The following SCNN1D variants were observed in gnomAD, a reference collection of about 807,000 sequenced individuals.
SCNN1D encodes sodium channel epithelial 1 subunit delta, also known as epithelial sodium channel subunit delta.
Under a neutral mutation model 87.8 loss-of-function variants are expected in SCNN1D, and 104 were observed. That is an observed-to-expected ratio of 1.18 (90% CI 1.01 to 1.39). SCNN1D has a LOEUF of 1.39. SCNN1D is among the 40% of genes most tolerant of loss of function. The pLI, the probability that SCNN1D is intolerant of heterozygous loss-of-function variation, is 0.00. For synonymous variants in SCNN1D, 628 were observed against 481.2 expected (o/e 1.31, Z -3.99); for missense variants, 1,324 against 1,093.9 (o/e 1.21, Z -2.97).
chr1:1,282,087 C>T (rs576233181), intron 3 of SCNN1D, 155 bp from the exon 4 acceptor site: 11 of 625,470 alleles, frequency 1.8e-5, no homozygotes, highest in South Asian at 7.6e-5. Flanking sequence ...GGGGCCCTGC[C>T]GCTGACCTGT....
intron 15 of SCNN1D, 73 bp from the exon 16 acceptor site, chr1:1,290,822 A>ACAT: frequency 1.9e-6 from 3 of 1,584,030 alleles, no homozygotes; most frequent in Non-Finnish European, 2.6e-6. Flanking sequence ...CTCTGCCCCC[A>ACAT]CATCCGCCCG....
Position 1,285,657 on chromosome 1 carries a change from A to G in SCNN1D, c.551A>G (p.Gln184Arg), listed in dbSNP as rs2100322594. ...ACTCAGCACAACGCTGCCTGCAAAC[A>G]GGGCCAGGTAGGGCCTGAGCACCCT... ...RPTQHNAACK[Q>R]GQAAAQTPPR... Residue 184 changes from glutamine (Q) to arginine (R), a missense_variant, in exon 6 of 18, where the codon CAG becomes CGG. Gln to Arg is a conservative substitution (Grantham distance 43). Coordinates refer to ENST00000379116, the MANE Select transcript of SCNN1D (RefSeq NM_001130413.4). 3.3e-6 allele frequency: 5 copies of G among 1,537,712 alleles called. No individual in the cohort carries two copies. The highest frequency in any genetic ancestry group is 4.4e-6 in the Non-Finnish European group (5 of 1,141,118).
chr1:1,282,201 G>A (rs923739118), intron 3 of SCNN1D, 41 bp from the exon 4 acceptor site: 1 of 1,161,914 alleles, frequency 8.6e-7, no homozygotes, highest in Non-Finnish European at 1.3e-6. Context: ...GAGTAACTCG[G>A]GAAGGCCACA....
chr1:1,284,529 G>C (rs530340665), intron 5 of SCNN1D, among the ~76,000 whole-genome samples: 5 of 148,118 alleles, frequency 3.4e-5, no homozygotes, highest in African/African-American at 7.4e-5. Context: ...TGGGGGTGCC[G>C]AGCGTGTGCT....
intron 4 of SCNN1D, among the ~76,000 whole-genome samples, 155 bp from the exon 5 acceptor site, chr1:1,283,823 A>G (rs1052726629): frequency 1.1e-4 from 16 of 151,622 alleles, no homozygotes; most frequent in Non-Finnish European, 1.8e-4. Context: ...CCTCCCCTGC[A>G]GGGCTCAGGA....
At chr1:1,290,076 G>A (rs1489484026) in intron 12 of SCNN1D, among the ~76,000 whole-genome samples, 195 bp from the exon 13 acceptor site, 12 of 125,590 alleles carry the variant, frequency 9.6e-5, no homozygotes, top group South Asian at 7.7e-4. Context: ...GCTCCGTCCC[G>A]TGTCTCTGCT....
chr1:1,288,031 C>G lies in SCNN1D; in HGVS notation c.1656C>G (p.Thr552=), dbSNP rs1000965875. ...AGCTGCTACACAACACCTCCTACAC[C>G]AGGCAGGTGAGGCTGGGCTGGCAGG... ...EVELLHNTSY[T]RQACLVSCFQ... Residue 552 remains threonine, a synonymous_variant, in exon 12 of 18, where the codon ACC becomes ACG. Transcript: ENST00000379116. 2 of 1,528,626 alleles carry G rather than the reference C, an allele frequency of 1.3e-6. No homozygotes were observed. The highest frequency in any genetic ancestry group is 2.9e-5 in the African/African-American group (2 of 68,620). 94.7% of individuals were successfully genotyped at this position (1,528,626 alleles called of 1,614,324 possible).
intron 14 of SCNN1D, 29 bp downstream of exon 14, chr1:1,290,584 A>C (rs775580191): frequency 1.9e-6 from 3 of 1,612,462 alleles, no homozygotes; most frequent in Non-Finnish European, 2.5e-6. Context: ...GGTCGCGGCC[A>C]GGGATCATTG....
At chr1:1,281,341 T>A (rs1370970061) in intron 2 of SCNN1D, 44 bp downstream of exon 2, 6 of 1,535,106 alleles carry the variant, frequency 3.9e-6, no homozygotes, top group Non-Finnish European at 5.2e-6. Context: ...TGGCCGTCTT[T>A]CCTGGGAGAG....
At position 1,281,273 on chromosome 1, in the gene SCNN1D, C is replaced by T; in HGVS notation, c.53C>T (p.Pro18Leu). Residue 18 changes from proline (P) to leucine (L), a missense_variant, in exon 2 of 18, where the codon CCC becomes CTC. By Grantham distance (98) the Pro-to-Leu change is moderately conservative (BLOSUM62 -3). Transcript: ENST00000379116. Reference protein sequence around the residue: ...KTTPLPRYLWPGHLSGPRRLT... With the variant: ...KTTPLPRYLWLGHLSGPRRLT... ...ACACCGCTCCCTCGTTACCTGTGGC[C>T]CGGCCACCTCAGCGGCCCAAGGAGG... 1 of 1,535,800 alleles carries T rather than the reference C, an allele frequency of 6.5e-7. No individual in the cohort carries two copies. The highest frequency in any genetic ancestry group is 8.7e-7 in the Non-Finnish European group (1 of 1,146,822).
intron 11 of SCNN1D, 40 bp from the exon 12 acceptor site, chr1:1,287,899 G>T (rs371161772): frequency 5.3e-6 from 8 of 1,520,712 alleles, no homozygotes; most frequent in Non-Finnish European, 6.2e-6. Flanking sequence ...GCTTTGGGGG[G>T]TGAGGGCAGG....
At position 1,287,758 on chromosome 1, in the gene SCNN1D, C is replaced by A. The variant is rs769468032; in HGVS notation, c.1485C>A (p.Gly495=). 6.2e-7 allele frequency: 1 copy of A among 1,603,358 alleles called. No individual in the cohort carries two copies. Among genetic ancestry groups the A allele is most frequent in the Non-Finnish European group, 8.5e-7 (1 of 1,175,460 alleles). Residue 495 remains glycine (G), a synonymous_variant, in exon 11 of 18, where the codon GGC becomes GGA. Transcript: ENST00000379116. ...TLAGIRVMVH[G]RNHTPFLGHH... ...CCGGCATCAGGGTCATGGTTCACGGCCGTAACCACACGCCCTTCCTGGGGC... is the reference window on the plus strand; with the variant it reads ...CCGGCATCAGGGTCATGGTTCACGGACGTAACCACACGCCCTTCCTGGGGC...
rs2100326794 is a variant in SCNN1D, at chr1:1,286,780, C to T, written c.924C>T (p.Val308=). 1 of 1,612,604 alleles carries T rather than the reference C, an allele frequency of 6.2e-7. No individual in the cohort carries two copies. Among genetic ancestry groups the T allele is most frequent in the Non-Finnish European group, 8.5e-7 (1 of 1,179,868 alleles). ...CCCTGCGTCCCAGGCCGAGTCCGGT[C>T]CTCCGCCATCTGGAGCTGCTGGACG... ...CDGNPRRPSP[V]LRHLELLDEF... The change falls in exon 8 of 18, where the codon GTC becomes GTT. Residue 308 remains valine (V), a synonymous_variant. Coordinates refer to ENST00000379116, the MANE Select transcript of SCNN1D (RefSeq NM_001130413.4).
At chr1:1,284,923 TCTG>T (rs1448500368) in intron 5 of SCNN1D, among the ~76,000 whole-genome samples, 1 of 152,172 alleles carries the variant, frequency 6.6e-6, no homozygotes, top group African/African-American at 2.4e-5. Flanking sequence ...AGCTCCCGCT[TCTG>T]CTGGCCTGGC....
At position 1,280,455 on chromosome 1, in the gene SCNN1D, C is replaced by T. The variant is rs918066332; in HGVS notation, c.-207C>T. On this transcript the variant is annotated 5_prime_UTR_variant, in exon 1 of 18. Transcript: ENST00000379116. ...CTCCAGCCTGGGCGACAGCGAGACT[C>T]CATCTCAATAAATAAAAAAAAAAAA... is the stretch of plus-strand genomic sequence containing the variant. 6 of 460,814 alleles carry T rather than the reference C, an allele frequency of 1.3e-5. No homozygotes were observed. The highest frequency in any genetic ancestry group is 1.0e-4 in the Admixed American group (3 of 28,720). 28.5% of individuals were successfully genotyped at this position (460,814 alleles called of 1,614,324 possible). A position where few individuals can be genotyped will look rare whatever the true frequency, so the allele number is the denominator to read the frequency against.
rs547598696 is a variant in SCNN1D, at chr1:1,281,402, C to T, written c.78-9C>T. On this transcript the variant is annotated splice_polypyrimidine_tract_variant and intron_variant, in intron 2 of 17. Coordinates refer to ENST00000379116, the MANE Select transcript of SCNN1D (RefSeq NM_001130413.4). Reference sequence around the variant, plus strand: ...CCAGGGATGCCTGCCCGTCCCTTCTCTCATTCAGGCTCACCTGGTCATGGT... The same window carrying T: ...CCAGGGATGCCTGCCCGTCCCTTCTTTCATTCAGGCTCACCTGGTCATGGT... 1.1e-4 allele frequency: 173 copies of T among 1,523,176 alleles called. No homozygotes were observed. The African/African-American group carries it at 2.2e-3, about 19-fold the overall frequency. The allele number at this position is 1,523,176 out of a possible 1,614,324, so 94.4% of individuals were successfully genotyped here. A position where few individuals can be genotyped will look rare whatever the true frequency, so the allele number is the denominator to read the frequency against.
Position 1,287,142 on chromosome 1 carries a change from G to A in SCNN1D, c.1153G>A (p.Gly385Ser). 1.2e-6 allele frequency: 2 copies of A among 1,603,500 alleles called. No individual in the cohort carries two copies. The highest frequency in any genetic ancestry group is 1.7e-6 in the Non-Finnish European group (2 of 1,172,842). ...NSTGGDCFYR[G>S]YTSGVAAVQD... ...CACGGGCGGCGACTGCTTTTACCGA[G>A]GCTACACGTCAGGCGTGGCGGCTGT... Residue 385 changes from glycine (G) to serine (S), a missense_variant, in exon 9 of 18, where the codon GGC (glycine) becomes AGC (serine). Transcript: ENST00000379116.
chr1:1,287,954 C>A lies in SCNN1D; in HGVS notation c.1579C>A (p.Leu527Ile). ...ISIREDEVHRLGSPYGHCTAG... is the reference protein window; with the variant it reads ...ISIREDEVHRIGSPYGHCTAG... ...CCCCTCCCAGGACGAGGTGCACCGG[C>A]TCGGGAGCCCCTACGGCCACTGCAC... Residue 527 changes from leucine (L) to isoleucine (I), a missense_variant, in exon 12 of 18, where the codon CTC (leucine) becomes ATC (isoleucine). Coordinates refer to ENST00000379116, the MANE Select transcript of SCNN1D (RefSeq NM_001130413.4). 6.5e-7 allele frequency: 1 copy of A among 1,544,978 alleles called. No homozygotes were observed. The highest frequency in any genetic ancestry group is 8.7e-7 in the Non-Finnish European group (1 of 1,143,526).
In SCNN1D at chr1:1,282,260, T is replaced by C; in HGVS notation, c.296T>C (p.Met99Thr). 6.5e-7 allele frequency: 1 copy of C among 1,545,960 alleles called. No individual in the cohort carries two copies. Among genetic ancestry groups the C allele is most frequent in the Non-Finnish European group, 8.7e-7 (1 of 1,142,948 alleles). ...GCGTGLGDSS[M>T]AFLSRTSPVA... is the part of the protein sequence containing the mutation. Reference sequence around the variant, plus strand: ...CACACAGGCCTGGGTGACTCCAGCATGGCTTTCCTCTCCAGGACGTCACCG... The same window carrying C: ...CACACAGGCCTGGGTGACTCCAGCACGGCTTTCCTCTCCAGGACGTCACCG... The change falls in exon 4 of 18, where the codon ATG (methionine) becomes ACG (threonine). Residue 99 changes from methionine (M) to threonine (T), a missense_variant. Met to Thr is a moderately conservative substitution (Grantham distance 81). Transcript: ENST00000379116.
Sources: gnomAD v4.1 joint callset for allele counts (sites outside exome capture counted in the v4.1 genomes callset) on GRCh38, gnomAD v4.1.1 for gene constraint, MANE v1.5 for transcripts, NCBI Gene and HGNC (gene_info 2026-07-23, HGNC 2026-07-21) for gene names.